The following KCNQ5 variants were observed in gnomAD, a reference collection of about 807,000 sequenced individuals.
The protein encoded by KCNQ5 is potassium voltage-gated channel subfamily Q member 5, also known as potassium voltage-gated channel subfamily KQT member 5.
In KCNQ5, 30 loss-of-function variants were observed where a neutral mutation model predicts 98.2. That is an observed-to-expected ratio of 0.31 (90% CI 0.23 to 0.41). KCNQ5 has a LOEUF of 0.41. KCNQ5 is among the 10% of genes least tolerant of loss of function. The pLI is 1.00. For missense variants in KCNQ5, 835 were observed against 1,182.5 expected, an observed-to-expected ratio of 0.71 and a Z score of 4.31; for synonymous variants, 458 against 449.4, an observed-to-expected ratio of 1.02 and a Z score of -0.24.
chr6:73,165,283 C>A (rs1199358262), intron 10 of KCNQ5, among the ~76,000 whole-genome samples: 6 of 152,292 alleles, frequency 3.9e-5, no homozygotes, highest in Admixed American at 1.3e-4. Flanking sequence ...CCATGCCCAG[C>A]TGTACTGGGA....
intron 1 of KCNQ5, among the ~76,000 whole-genome samples, chr6:72,651,171 T>C (rs1053088552): frequency 6.6e-6 from 1 of 152,154 alleles, no homozygotes; most frequent in African/African-American, 2.4e-5. Context: ...ATTACCTGAT[T>C]ACCTTTTAAT....
intron 9 of KCNQ5, among the ~76,000 whole-genome samples, chr6:73,127,995 G>A (rs1428392857): frequency 2.0e-5 from 3 of 152,150 alleles, no homozygotes; most frequent in Admixed American, 6.5e-5. Flanking sequence ...AACCTGGGAA[G>A]CAGAGGTTGC....
At chr6:72,742,402 G>T (rs1337461717) in intron 1 of KCNQ5, among the ~76,000 whole-genome samples, 1 of 152,166 alleles carries the variant, frequency 6.6e-6, no homozygotes, top group Non-Finnish European at 1.5e-5. Context: ...TACTTGATCT[G>T]CTCACATATA....
At chr6:73,034,203 G>C (rs1891405) in intron 2 of KCNQ5, among the ~76,000 whole-genome samples, 14,591 of 152,110 alleles carry the variant, frequency 0.096, 815 homozygotes, top group East Asian at 0.21. Context: ...TTATGATGCA[G>C]TTTACATCAC....
At chr6:73,132,204 A>C (rs1475516592) in intron 9 of KCNQ5, among the ~76,000 whole-genome samples, 2 of 152,128 alleles carry the variant, frequency 1.3e-5, no homozygotes, top group East Asian at 3.9e-4. Flanking sequence ...GTCTCAAATA[A>C]GCCTTATCCA....
chr6:72,780,616 G>A (rs1007084297), intron 1 of KCNQ5, among the ~76,000 whole-genome samples: 1 of 152,196 alleles, frequency 6.6e-6, no homozygotes, highest in African/African-American at 2.4e-5. Flanking sequence ...GGGACATAGA[G>A]TGACTGTTGG....
chr6:73,113,403 G>T (rs1741656378), intron 7 of KCNQ5, among the ~76,000 whole-genome samples: 1 of 152,150 alleles, frequency 6.6e-6, no homozygotes, highest in South Asian at 2.1e-4. Flanking sequence ...GCTCTTTGAG[G>T]AATTTCTCAT....
At chr6:72,995,771 T>C (rs956447210) in intron 1 of KCNQ5, among the ~76,000 whole-genome samples, 2 of 152,136 alleles carry the variant, frequency 1.3e-5, no homozygotes, top group Non-Finnish European at 2.9e-5. Flanking sequence ...ATGTAACAAA[T>C]ATAAAGACTT....
chr6:73,041,535 C>T (rs1562143038), intron 2 of KCNQ5, among the ~76,000 whole-genome samples: 2 of 152,158 alleles, frequency 1.3e-5, no homozygotes, highest in African/African-American at 4.8e-5. Flanking sequence ...CAAAATGAAG[C>T]TCTATTTTCT....
intron 1 of KCNQ5, among the ~76,000 whole-genome samples, chr6:72,645,940 G>A (rs1432413826): frequency 6.6e-6 from 1 of 152,092 alleles, no homozygotes; most frequent in East Asian, 1.9e-4. Flanking sequence ...CTTAATGAAT[G>A]TAGAGATTTC....
At chr6:73,024,381 T>TGATAGATAGATTAGATAGATAGATAGATA (rs1554198958) in intron 2 of KCNQ5, among the ~76,000 whole-genome samples, 2 of 120,548 alleles carry the variant, frequency 1.7e-5, no homozygotes, top group East Asian at 2.5e-4. Context: ...GATAGATAGA[T>TGATAGATAGATTAGATAGATAGATAGATA]GATAGATAGA....
intron 8 of KCNQ5, among the ~76,000 whole-genome samples, chr6:73,122,901 A>T (rs1454983158): frequency 6.6e-6 from 1 of 152,204 alleles, no homozygotes; most frequent in Non-Finnish European, 1.5e-5. Context: ...ACTTAGAGGG[A>T]TCTTTTTACA....
chr6:73,169,591 G>C (rs1307991883), intron 10 of KCNQ5, among the ~76,000 whole-genome samples, 155 bp from the exon 11 acceptor site: 1 of 152,188 alleles, frequency 6.6e-6, no homozygotes, highest in Non-Finnish European at 1.5e-5. Flanking sequence ...AAAGAAGAAA[G>C]AATAATATTG....
At chr6:72,775,539 A>G (rs1179349540) in intron 1 of KCNQ5, among the ~76,000 whole-genome samples, 4 of 152,216 alleles carry the variant, frequency 2.6e-5, no homozygotes, top group Non-Finnish European at 5.9e-5. Context: ...TTTTAAGGGC[A>G]GGCTGCACAT....
chr6:72,775,693 T>C (rs865892453), intron 1 of KCNQ5, among the ~76,000 whole-genome samples: 2 of 152,274 alleles, frequency 1.3e-5, no homozygotes, highest in South Asian at 2.1e-4. Flanking sequence ...CATGATGTGA[T>C]GAGAATGGCA....
intron 1 of KCNQ5, among the ~76,000 whole-genome samples, chr6:72,647,641 C>G (rs933027173): frequency 6.6e-6 from 1 of 152,124 alleles, no homozygotes; most frequent in Non-Finnish European, 1.5e-5. Flanking sequence ...TGTAATGCCC[C>G]TGACCTCCAG....
intron 1 of KCNQ5, among the ~76,000 whole-genome samples, chr6:72,896,930 T>G (rs990980213): frequency 6.7e-6 from 1 of 150,356 alleles, no homozygotes; most frequent in Non-Finnish European, 1.5e-5. Flanking sequence ...TCCTGGTTTT[T>G]TGTTTGTTTG....
At chr6:72,860,293 C>G (rs1005131159) in intron 1 of KCNQ5, among the ~76,000 whole-genome samples, 1 of 152,054 alleles carries the variant, frequency 6.6e-6, no homozygotes, top group Non-Finnish European at 1.5e-5. Flanking sequence ...AATACCTAAC[C>G]CTCTGAACTA....
chr6:72,650,897 G>A (rs899668781), intron 1 of KCNQ5, among the ~76,000 whole-genome samples: 3 of 152,080 alleles, frequency 2.0e-5, no homozygotes, highest in African/African-American at 7.2e-5. Context: ...ACTAATCCAT[G>A]GAGGAGAGGA....
Sources: gnomAD v4.1 joint callset for allele counts (sites outside exome capture counted in the v4.1 genomes callset) on GRCh38, gnomAD v4.1.1 for gene constraint, MANE v1.5 for transcripts, NCBI Gene and HGNC (gene_info 2026-07-23, HGNC 2026-07-21) for gene names.